The following CFAP61 variants were observed in gnomAD, a reference collection of about 807,000 sequenced individuals.
CFAP61 encodes the protein cilia and flagella associated protein 61.
A neutral mutation model predicts 135.6 loss-of-function variants in CFAP61; 107 were observed. The ratio of observed to expected loss-of-function variants is 0.79; its 90% confidence interval spans 0.67 to 0.93. The LOEUF is 0.93. Among genes scored for constraint, CFAP61 ranks in the 40% least tolerant of loss-of-function variants. The probability of loss-of-function intolerance (pLI) is 0.00; values close to 1 mark genes in which losing one functional copy is unlikely to be tolerated. For missense variants in CFAP61, 1,507 were observed against 1,556.2 expected (o/e 0.97, Z 0.53); for synonymous variants, 575 against 578.5 (o/e 0.99, Z 0.09).
intron 22 of CFAP61, 41 bp downstream of exon 22, chr20:20,277,499 A>G: frequency 6.4e-7 from 1 of 1,550,524 alleles, no homozygotes; most frequent in Non-Finnish European, 8.8e-7. Context: ...AGCCAGGGAC[A>G]GAGGACATCT....
chr20:20,305,328 G>A (rs537200902), intron 25 of CFAP61, among the ~76,000 whole-genome samples: 2 of 152,196 alleles, frequency 1.3e-5, no homozygotes, highest in Admixed American at 1.3e-4. Flanking sequence ...GCCAGCCCAC[G>A]TGGCCCCCTA....
intron 7 of CFAP61, 142 bp from the exon 8 acceptor site, chr20:20,098,513 G>A (rs2047752982): frequency 1.5e-6 from 1 of 673,988 alleles, no homozygotes; most frequent in Admixed American, 3.2e-5. Context: ...GGGAGGCTGG[G>A]GAGAAGAATT....
In CFAP61 at chr20:20,075,576, G is replaced by A. The variant is rs763216802; in HGVS notation, c.527G>A (p.Arg176Lys). ...EEDFAVHICHRHSHYPQLHVR... is the reference protein window; with the variant it reads ...EEDFAVHICHKHSHYPQLHVR... ...GACTTTGCAGTGCATATATGTCACA[G>A]GCACAGCCACTATCCTCAGCTGCAC... is the stretch of plus-strand genomic sequence containing the variant. Residue 176 changes from arginine (R) to lysine (K), a missense_variant, in exon 6 of 27, where the codon AGG becomes AAG. Coordinates refer to ENST00000245957, the MANE Select transcript of CFAP61 (RefSeq NM_015585.4). 3.1e-6 allele frequency: 5 copies of A among 1,614,044 alleles called. No individual in the cohort carries two copies. The highest frequency in any genetic ancestry group is 2.7e-5 in the African/African-American group (2 of 74,918).
chr20:20,125,690 G>A (rs12625132), intron 8 of CFAP61, among the ~76,000 whole-genome samples: 15,059 of 151,632 alleles, frequency 0.099, 1,664 homozygotes, highest in East Asian at 0.6. Flanking sequence ...TGTGCATTCT[G>A]TAGTTGTTGG....
At chr20:20,055,782 T>G (rs2044276200) in intron 1 of CFAP61, among the ~76,000 whole-genome samples, 1 of 152,216 alleles carries the variant, frequency 6.6e-6, no homozygotes, top group African/African-American at 2.4e-5. Context: ...GATAGGAGTC[T>G]AGACATTATT....
At chr20:20,357,095 A>T (rs1196603942) in intron 26 of CFAP61, among the ~76,000 whole-genome samples, 2 of 103,910 alleles carry the variant, frequency 1.9e-5, no homozygotes, top group Non-Finnish European at 2.2e-5. Flanking sequence ...GGTCACACTG[A>T]GGGGAGGTGG....
intron 8 of CFAP61, among the ~76,000 whole-genome samples, chr20:20,132,628 T>C (rs2424261): frequency 0.9 from 137,069 of 152,026 alleles, 62,603 homozygotes; most frequent in Middle Eastern, 0.99. Flanking sequence ...TATGGATTTA[T>C]TGACTCCTAC....
intron 21 of CFAP61, among the ~76,000 whole-genome samples, chr20:20,268,850 T>C (rs529201350): frequency 6.6e-6 from 1 of 152,042 alleles, no homozygotes; most frequent in African/African-American, 2.4e-5. Context: ...AAAAATAAAC[T>C]ACCTTAATGG....
At chr20:20,321,278 A>C (rs1163585902) in intron 25 of CFAP61, among the ~76,000 whole-genome samples, 2 of 152,150 alleles carry the variant, frequency 1.3e-5, no homozygotes, top group Non-Finnish European at 2.9e-5. Flanking sequence ...ATTCTCTTCA[A>C]AATAACCTAG....
At chr20:20,244,112 T>G (rs1372825748) in intron 18 of CFAP61, among the ~76,000 whole-genome samples, 2 of 152,176 alleles carry the variant, frequency 1.3e-5, no homozygotes, top group Non-Finnish European at 2.9e-5. Flanking sequence ...CCTGGCTGTT[T>G]TCATGGGCTG....
In CFAP61 at chr20:20,322,785, G is replaced by A. The variant is rs573397614; in HGVS notation, c.3423-19046G>A. The A allele has an allele frequency of 1.1e-5, 11 of 985,282 alleles. No homozygotes were observed. The East Asian group carries it at 5.7e-4, about 51-fold the overall frequency. 61.0% of individuals were successfully genotyped at this position (985,282 alleles called of 1,614,324 possible). Reference sequence around the variant, plus strand: ...TCGTGTTGCCTAGCAACCTGTGAATGCTGTTTGCTATCATGTTATTAATAT... The same window carrying A: ...TCGTGTTGCCTAGCAACCTGTGAATACTGTTTGCTATCATGTTATTAATAT... On this transcript the variant is annotated intron_variant, in intron 25 of 26. Coordinates refer to ENST00000245957, the MANE Select transcript of CFAP61 (RefSeq NM_015585.4).
rs1480163247 is a variant in CFAP61, at chr20:20,187,931, TCC to T, written c.1388_1389del (p.Ser463TyrfsTer2). 1 of 1,611,866 alleles carries T rather than the reference TCC, an allele frequency of 6.2e-7. No individual in the cohort carries two copies. ...YVFHRAGLLKSINIRFATLLD... is the reference protein window; with the variant it reads ...YVFHRAGLLKXINIRFATLLD... The stretch of plus-strand genomic sequence containing the variant: ...AAATATATTCCTCTCCTTACCCAGG[TCC>T]ATTAATATAAGATTTGCCACTCTCT... On this transcript the variant is annotated frameshift_variant and splice_region_variant, in exon 14 of 27. Transcript: ENST00000245957. LOFTEE classifies it high-confidence loss of function.
At chr20:20,350,506 G>A (rs2122431292) in intron 26 of CFAP61, among the ~76,000 whole-genome samples, 1 of 152,296 alleles carries the variant, frequency 6.6e-6, no homozygotes, top group South Asian at 2.1e-4. Flanking sequence ...GTGCACACCA[G>A]TAGTCCCAGC....
At chr20:20,233,350 C>G (rs1023059480) in intron 18 of CFAP61, among the ~76,000 whole-genome samples, 3 of 152,244 alleles carry the variant, frequency 2.0e-5, no homozygotes, top group Admixed American at 6.5e-5. Context: ...ACTCCCCGTC[C>G]TGTCGGTCTC....
chr20:20,069,302 A>G (rs577744386), intron 2 of CFAP61, among the ~76,000 whole-genome samples: 35 of 152,130 alleles, frequency 2.3e-4, no homozygotes, highest in Middle Eastern at 3.4e-3. Flanking sequence ...ATGTTTTGAG[A>G]TGGATTCTCG....
Position 20,150,356 on chromosome 20 carries a change from T to C in CFAP61, c.951+7408T>C, listed in dbSNP as rs75105061. 4.9e-3 allele frequency among the ~76,000 whole-genome samples: 748 copies of C among 152,284 alleles called. 1 individual carries two copies. Among genetic ancestry groups the C allele is most frequent in the Admixed American group, 0.013 (200 of 15,298 alleles). On this transcript the variant is annotated intron_variant, in intron 9 of 26. Coordinates refer to ENST00000245957, the MANE Select transcript of CFAP61 (RefSeq NM_015585.4). ...ATCACCTGAGAAACCCAAATTCTTATCCTGGCCAACACAGGGCAAGCTTAT... is the reference window on the plus strand; with the variant it reads ...ATCACCTGAGAAACCCAAATTCTTACCCTGGCCAACACAGGGCAAGCTTAT...
intron 3 of CFAP61, among the ~76,000 whole-genome samples, chr20:20,072,501 T>C (rs1345224193): frequency 6.6e-6 from 1 of 152,220 alleles, no homozygotes; most frequent in Non-Finnish European, 1.5e-5. Context: ...TTTTATCATC[T>C]CACTGGTTGC....
At chr20:20,259,320 C>T (rs2051961262) in intron 20 of CFAP61, among the ~76,000 whole-genome samples, 1 of 132,874 alleles carries the variant, frequency 7.5e-6, no homozygotes, top group African/African-American at 2.8e-5. Context: ...GTGGTGCAAT[C>T]ACAGCTCACT....
At position 20,256,761 on chromosome 20, in the gene CFAP61, T is replaced by C. The variant is rs554912083; in HGVS notation, c.2328+4998T>C. Among the ~76,000 whole-genome samples, 13 of 152,308 alleles carry C rather than the reference T, an allele frequency of 8.5e-5. No homozygotes were observed. In the South Asian group the frequency reaches 2.5e-3, roughly 29 times the overall value. ...GAAGAAGAGACTCAAGGGACAATAA[T>C]TGAAGATATTCTAGAAGAAAACTTT... On this transcript the variant is annotated intron_variant, in intron 20 of 26. Coordinates refer to ENST00000245957, the MANE Select transcript of CFAP61 (RefSeq NM_015585.4).
Sources: allele counts gnomAD v4.1 joint callset (sites outside exome capture counted in the v4.1 genomes callset), GRCh38; gene constraint gnomAD v4.1.1; transcripts MANE v1.5; gene names NCBI Gene and HGNC (gene_info 2026-07-23, HGNC 2026-07-21).